The following SLC39A12 variants were observed in gnomAD, a reference collection of about 807,000 sequenced individuals.
SLC39A12 encodes solute carrier family 39 member 12, also known as zinc transporter ZIP12.
SLC39A12 carries 63 observed loss-of-function variants against 71.1 expected under a neutral mutation model. The ratio of observed to expected loss-of-function variants is 0.89; its 90% CI spans 0.72 to 1.09. The LOEUF (loss-of-function observed/expected upper bound fraction) is 1.09, where lower values mean the gene tolerates loss of function less well. SLC39A12 is among the 50% of genes least tolerant of loss of function. The probability of loss-of-function intolerance (pLI) is 0.00; values close to 1 mark genes in which losing one functional copy is unlikely to be tolerated. For synonymous variants in SLC39A12, 351 were observed against 301.3 expected (o/e 1.16, Z -1.71); for missense variants, 892 against 812.6 (o/e 1.10, Z -1.19).
chr10:17,990,723 G>C (rs1835521990), intron 7 of SLC39A12, among the ~76,000 whole-genome samples: 1 of 152,024 alleles, frequency 6.6e-6, no homozygotes, highest in Non-Finnish European at 1.5e-5. Context: ...TGATTGCTAT[G>C]GGGCATGAGA....
intron 6 of SLC39A12, among the ~76,000 whole-genome samples, chr10:17,987,145 A>G (rs1253018590): frequency 6.6e-6 from 1 of 152,138 alleles, no homozygotes; most frequent in East Asian, 1.9e-4. Flanking sequence ...CCTGGGGAAC[A>G]TGACGAAACC....
chr10:17,954,504 G>A lies in SLC39A12; in HGVS notation c.261+967G>A, dbSNP rs142465861. 1.8e-4 allele frequency among the ~76,000 whole-genome samples: 28 copies of A among 152,030 alleles called. No homozygotes were observed. In the East Asian group the frequency reaches 5.2e-3, roughly 28 times the overall value. On this transcript the variant is annotated intron_variant, in intron 2 of 12. Coordinates refer to ENST00000377369, the MANE Select transcript of SLC39A12 (RefSeq NM_001145195.2). ...CTCCTGACCTCGTGATCTGCCTGCCGCCACCTCCCAAAGTGCTGGGATTAC... is the reference window on the plus strand; with the variant it reads ...CTCCTGACCTCGTGATCTGCCTGCCACCACCTCCCAAAGTGCTGGGATTAC...
At chr10:17,981,153 C>T (rs942540899) in intron 5 of SLC39A12, among the ~76,000 whole-genome samples, 159 bp from the exon 6 acceptor site, 1 of 152,160 alleles carries the variant, frequency 6.6e-6, no homozygotes, top group Non-Finnish European at 1.5e-5. Flanking sequence ...TTAGGAATTA[C>T]GTACAGCTGA....
intron 7 of SLC39A12, among the ~76,000 whole-genome samples, chr10:17,988,067 G>A (rs1017509461): frequency 5.3e-5 from 8 of 152,146 alleles, no homozygotes; most frequent in African/African-American, 1.7e-4. Context: ...CAGCACTTTG[G>A]GAGGCCAAGG....
In SLC39A12 at chr10:17,961,681, A is replaced by C. The variant is rs782160243; in HGVS notation, c.362A>C (p.Tyr121Ser). 2 of 1,613,864 alleles carry C rather than the reference A, an allele frequency of 1.2e-6. No individual in the cohort carries two copies. The highest frequency in any genetic ancestry group is 1.7e-6 in the Non-Finnish European group (2 of 1,179,856). The change falls in exon 3 of 13, where the codon TAC (tyrosine) becomes TCC (serine). Residue 121 changes from tyrosine (Y) to serine (S), a missense_variant. Physicochemically the swap from Tyr to Ser is moderately radical, Grantham distance 144 (BLOSUM62 -2). Coordinates refer to ENST00000377369, the MANE Select transcript of SLC39A12 (RefSeq NM_001145195.2). ...AGAGTTTCTCTTCTCCTTCTCTATT[A>C]CATTATTCATCAGGAAGAGATCTGT... ...VQRVSLLLLY[Y>S]IIHQEEICSS...
intron 5 of SLC39A12, among the ~76,000 whole-genome samples, chr10:17,980,416 G>A (rs1020834815): frequency 2.0e-5 from 3 of 151,880 alleles, no homozygotes; most frequent in Non-Finnish European, 2.9e-5. Flanking sequence ...CTTACTGATC[G>A]CAACTAAAGA....
chr10:18,000,321 C>T (rs912737300), intron 10 of SLC39A12, among the ~76,000 whole-genome samples: 1 of 152,150 alleles, frequency 6.6e-6, no homozygotes, highest in East Asian at 1.9e-4. Context: ...TTTTTAAATG[C>T]ATTGCAAAAG....
intron 12 of SLC39A12, 59 bp downstream of exon 12, chr10:18,003,417 A>C (rs893714362): frequency 5.5e-6 from 8 of 1,444,660 alleles, no homozygotes; most frequent in Non-Finnish European, 6.6e-6. Context: ...AAAACAGAGA[A>C]AAAAAACAGT....
At chr10:17,986,782 G>C (rs902565165) in intron 6 of SLC39A12, among the ~76,000 whole-genome samples, 1 of 152,182 alleles carries the variant, frequency 6.6e-6, no homozygotes, top group African/African-American at 2.4e-5. Context: ...GAAGCAGGAG[G>C]ATTGCTTGAG....
intron 12 of SLC39A12, chr10:18,010,568 T>G (rs1383146159): frequency 6.6e-6 from 1 of 152,168 alleles, no homozygotes; most frequent in East Asian, 1.9e-4. Context: ...TCTGTAAAAA[T>G]CAGTCAAACC....
intron 12 of SLC39A12, among the ~76,000 whole-genome samples, chr10:18,021,164 G>A (rs1033121645): frequency 1.3e-5 from 2 of 151,722 alleles, no homozygotes; most frequent in Non-Finnish European, 2.9e-5. Context: ...AAAGGGGAGG[G>A]TCCAGTTTCT....
chr10:18,042,972 AT>A lies in SLC39A12; in HGVS notation c.*143del. ...TCTCTTTCAATTCATTAACTTATTA[AT>A]TTTATAATGCAGTTTTATTTTTGGA... On this transcript the variant is annotated 3_prime_UTR_variant, in exon 13 of 13. Coordinates refer to ENST00000377369, the MANE Select transcript of SLC39A12 (RefSeq NM_001145195.2). The A allele has an allele frequency of 1.6e-6, 1 of 606,280 alleles. No individual in the cohort carries two copies. The highest frequency in any genetic ancestry group is 2.4e-6 in the Non-Finnish European group (1 of 408,650). The allele number at this position is 606,280 out of a possible 1,614,324, so 37.6% of individuals were successfully genotyped here.
intron 3 of SLC39A12, among the ~76,000 whole-genome samples, chr10:17,962,133 C>T (rs1003349665): frequency 6.6e-6 from 1 of 152,198 alleles, no homozygotes. Context: ...TCCTGGGTCC[C>T]TCTGAGCACT....
chr10:18,023,298 C>A lies in SLC39A12; in HGVS notation c.1948-19407C>A, dbSNP rs188233771. Among the ~76,000 whole-genome samples the A allele has an allele frequency of 4.6e-5, 7 of 152,290 alleles. No homozygotes were observed. The East Asian group carries it at 1.4e-3, about 29-fold the overall frequency. On this transcript the variant is annotated intron_variant, in intron 12 of 12. Transcript: ENST00000377369. ...GGAGTGGCTGCATTGCAAGCCCAAGCTGCCTGGTAAAGAGCAGGGATGTCA... is the reference window on the plus strand; with the variant it reads ...GGAGTGGCTGCATTGCAAGCCCAAGATGCCTGGTAAAGAGCAGGGATGTCA...
chr10:17,977,832 C>A, intron 4 of SLC39A12, 70 bp from the exon 5 acceptor site: 1 of 1,115,294 alleles, frequency 9.0e-7, no homozygotes, highest in Non-Finnish European at 1.2e-6. Flanking sequence ...TATGCTGTAG[C>A]TATGTGAAAT....
At chr10:18,037,985 A>G (rs1837107702) in intron 12 of SLC39A12, among the ~76,000 whole-genome samples, 1 of 127,148 alleles carries the variant, frequency 7.9e-6, no homozygotes, top group South Asian at 2.9e-4. Flanking sequence ...ACACCAATGC[A>G]CTCCAGCCTA....
At position 18,000,683 on chromosome 10, in the gene SLC39A12, G is replaced by T. The variant is rs1835809020; in HGVS notation, c.1617G>T (p.Leu539Phe). 6.2e-7 allele frequency: 1 copy of T among 1,614,184 alleles called. No homozygotes were observed. Among genetic ancestry groups the T allele is most frequent in the African/African-American group, 1.3e-5 (1 of 75,064 alleles). ...GTTCCTTAGGTAAAGCCATTAGCTT[G>T]TTAGCAATCATGATTCTGGTTGGGG... is the stretch of plus-strand genomic sequence containing the variant. ...ASNRKCKAIS[L>F]LAIMILVGDS... Residue 539 changes from leucine to phenylalanine, a missense_variant, in exon 11 of 13, where the codon TTG becomes TTT. Leu to Phe is a conservative substitution (Grantham distance 22). Coordinates refer to ENST00000377369, the MANE Select transcript of SLC39A12 (RefSeq NM_001145195.2).
chr10:17,965,572 G>A lies in SLC39A12; in HGVS notation c.633G>A (p.Met211Ile). 3.7e-6 allele frequency: 6 copies of A among 1,614,212 alleles called. No individual in the cohort carries two copies. Among genetic ancestry groups the A allele is most frequent in the Non-Finnish European group, 5.1e-6 (6 of 1,180,028 alleles). Residue 211 changes from methionine (M) to isoleucine (I), a missense_variant, in exon 4 of 13, where the codon ATG becomes ATA. Physicochemically the swap from Met to Ile is conservative, Grantham distance 10. Coordinates refer to ENST00000377369, the MANE Select transcript of SLC39A12 (RefSeq NM_001145195.2). ...NESTLPQLAA[M>I]IITLSLQGVC... ...GTACGCTTCCTCAGTTGGCAGCCAT[G>A]ATCATTACTTTGTCCCTCCAGGGTG...
At chr10:17,975,604 C>A (rs1038296045) in intron 4 of SLC39A12, among the ~76,000 whole-genome samples, 1 of 151,612 alleles carries the variant, frequency 6.6e-6, no homozygotes, top group Non-Finnish European at 1.5e-5. Context: ...TAAGGGGTAT[C>A]TTTTGGGTAA....
Sources: allele counts gnomAD v4.1 joint callset (sites outside exome capture counted in the v4.1 genomes callset), GRCh38; gene constraint gnomAD v4.1.1; transcripts MANE v1.5; gene names NCBI Gene and HGNC (gene_info 2026-07-23, HGNC 2026-07-21).